The following RAVER2 variants were observed in gnomAD, a reference collection of about 807,000 sequenced individuals.
The protein encoded by RAVER2 is ribonucleoprotein PTB-binding 2.
A neutral mutation model predicts 78.1 loss-of-function variants in RAVER2; 46 were observed. The observed-to-expected ratio is 0.59, with a 90% CI of 0.46 to 0.75. RAVER2 has a LOEUF of 0.75. RAVER2 is among the 30% of genes least tolerant of loss of function. The probability of loss-of-function intolerance (pLI) is 0.00; values close to 1 mark genes in which losing one functional copy is unlikely to be tolerated. For missense variants in RAVER2, 793 were observed against 837.5 expected (o/e 0.95, Z 0.66); for synonymous variants, 311 against 313.3 (o/e 0.99, Z 0.08).
At chr1:64,809,994 T>C (rs1383122279) in intron 9 of RAVER2, among the ~76,000 whole-genome samples, 1 of 152,212 alleles carries the variant, frequency 6.6e-6, no homozygotes, top group African/African-American at 2.4e-5. Context: ...CAGCCATCCA[T>C]GGACATGTGG....
intron 7 of RAVER2, 54 bp downstream of exon 7, chr1:64,804,892 C>A: frequency 1.3e-6 from 2 of 1,502,244 alleles, no homozygotes; most frequent in Non-Finnish European, 9.2e-7. Flanking sequence ...TTTCTAGAAT[C>A]AGGCTGTGGA....
chr1:64,805,468 A>G (rs1278719251), intron 8 of RAVER2, among the ~76,000 whole-genome samples: 1 of 152,188 alleles, frequency 6.6e-6, no homozygotes, highest in Non-Finnish European at 1.5e-5. Context: ...TTTATTTTTT[A>G]AAATCTAGTA....
At chr1:64,766,744 G>A (rs1432762300) in intron 1 of RAVER2, among the ~76,000 whole-genome samples, 1 of 152,086 alleles carries the variant, frequency 6.6e-6, no homozygotes, top group Non-Finnish European at 1.5e-5. Context: ...AGTGAAATGA[G>A]AGATTAGATT....
intron 8 of RAVER2, among the ~76,000 whole-genome samples, chr1:64,806,797 C>T (rs1570572730): frequency 6.6e-6 from 1 of 152,254 alleles, no homozygotes; most frequent in East Asian, 1.9e-4. Context: ...ACTTTTTAAA[C>T]TTAAAACTTA....
chr1:64,781,565 A>G (rs1321572196), exon 4 of RAVER2: 1 of 1,608,968 alleles, frequency 6.2e-7, no homozygotes, highest in Non-Finnish European at 8.5e-7. Flanking sequence ...TAGCGGCTCA[A>G]CGTGTGGTAA....
At chr1:64,781,540 C>A (rs1188730865) in exon 4 of RAVER2, 1 of 1,613,758 alleles carries the variant, frequency 6.2e-7, no homozygotes. Flanking sequence ...GGGCGAAGTA[C>A]ATTAGCAGCA....
At chr1:64,763,154 G>A (rs780525760) in intron 1 of RAVER2, among the ~76,000 whole-genome samples, 2 of 152,004 alleles carry the variant, frequency 1.3e-5, no homozygotes, top group South Asian at 2.1e-4. Context: ...CTAAATATAC[G>A]GGTGAGGTGG....
chr1:64,830,970 G>T (rs1308000924), exon 12 of RAVER2: 2 of 1,613,660 alleles, frequency 1.2e-6, no homozygotes, highest in Non-Finnish European at 1.7e-6. Flanking sequence ...ACTTAAAAAA[G>T]AAGCGAGTAT....
intron 1 of RAVER2, among the ~76,000 whole-genome samples, chr1:64,766,102 C>T (rs1043754078): frequency 1.3e-5 from 2 of 152,160 alleles, no homozygotes; most frequent in Non-Finnish European, 2.9e-5. Flanking sequence ...CAAAACTTGT[C>T]ACTTCAGCAG....
In RAVER2 at chr1:64,781,579, T is replaced by G. The variant is rs1652630523; in HGVS notation, c.978+8T>G. 1 of 1,604,976 alleles carries G rather than the reference T, an allele frequency of 6.2e-7. No homozygotes were observed. Among genetic ancestry groups the G allele is most frequent in the Admixed American group, 1.7e-5 (1 of 57,508 alleles). On this transcript the variant is annotated splice_region_variant and intron_variant, in intron 4 of 11. Transcript: ENST00000294428. ...ATAGCGGCTCAACGTGTGGTAAGTT[T>G]TTTCTCTTTCTGTCTCTTTTTTTAG...
At chr1:64,820,423 A>G (rs1353762191) in intron 11 of RAVER2, among the ~76,000 whole-genome samples, 1 of 152,128 alleles carries the variant, frequency 6.6e-6, no homozygotes, top group Non-Finnish European at 1.5e-5. Context: ...AAAATTTTTA[A>G]TTTTAGGTTT....
At chr1:64,812,337 G>T (rs1653634245) in intron 9 of RAVER2, among the ~76,000 whole-genome samples, 1 of 140,042 alleles carries the variant, frequency 7.1e-6, no homozygotes. Flanking sequence ...ACTCCAGCCT[G>T]GGCAATAGAG....
At chr1:64,779,589 C>T (rs535872116) in intron 3 of RAVER2, among the ~76,000 whole-genome samples, 1 of 150,928 alleles carries the variant, frequency 6.6e-6, no homozygotes, top group African/African-American at 2.4e-5. Context: ...TATTGCCAGG[C>T]TGCTCTCAAA....
intron 5 of RAVER2, among the ~76,000 whole-genome samples, chr1:64,793,340 C>G (rs1179395925): frequency 1.3e-5 from 2 of 152,158 alleles, no homozygotes; most frequent in Non-Finnish European, 2.9e-5. Context: ...GAAGCTCCAA[C>G]TGCTATTAGA....
intron 1 of RAVER2, among the ~76,000 whole-genome samples, chr1:64,748,755 T>C (rs1305544941): frequency 6.6e-6 from 1 of 152,240 alleles, no homozygotes; most frequent in Non-Finnish European, 1.5e-5. Context: ...TTGAAAAGCA[T>C]GAAATGATAG....
Position 64,828,978 on chromosome 1 carries a change from C to G in RAVER2, c.1930-1861C>G, listed in dbSNP as rs565054113. ...TCAACGTAATGTTTGCAGGCTTTGTCTTTATTGTAAGATGAGTGACACCCA... is the reference window on the plus strand; with the variant it reads ...TCAACGTAATGTTTGCAGGCTTTGTGTTTATTGTAAGATGAGTGACACCCA... On this transcript the variant is annotated intron_variant, in intron 11 of 11. Transcript: ENST00000294428. Among the ~76,000 whole-genome samples the G allele has an allele frequency of 2.0e-5, 3 of 152,220 alleles. No individual in the cohort carries two copies. The South Asian group carries it at 6.2e-4, about 32-fold the overall frequency.
At chr1:64,750,548 C>G (rs1447519848) in intron 1 of RAVER2, among the ~76,000 whole-genome samples, 1 of 151,980 alleles carries the variant, frequency 6.6e-6, no homozygotes, top group Admixed American at 6.6e-5. Flanking sequence ...TTTATAAAAG[C>G]TACGTATTCC....
chr1:64,789,288 G>A lies in RAVER2; in HGVS notation c.979-100G>A, dbSNP rs936690685. On this transcript the variant is annotated intron_variant, in intron 4 of 11. Transcript: ENST00000294428. Reference sequence around the variant, plus strand: ...ATCAAATTATGTTTATCATAAAATAGATCTTGTCAGATGAATGAGGATTTC... The same window carrying A: ...ATCAAATTATGTTTATCATAAAATAAATCTTGTCAGATGAATGAGGATTTC... 1.3e-4 allele frequency: 129 copies of A among 996,152 alleles called. 1 individual carries two copies. Among genetic ancestry groups the A allele is most frequent in the Non-Finnish European group, 1.7e-4 (123 of 726,658 alleles). The allele number at this position is 996,152 out of a possible 1,614,324, so 61.7% of individuals were successfully genotyped here.
intron 1 of RAVER2, among the ~76,000 whole-genome samples, chr1:64,759,912 G>T (rs1446641057): frequency 6.6e-6 from 1 of 152,096 alleles, no homozygotes. Flanking sequence ...GTTGATAAAG[G>T]TAATCTATGG....
Sources: gnomAD v4.1 joint callset for allele counts (sites outside exome capture counted in the v4.1 genomes callset) on GRCh38, gnomAD v4.1.1 for gene constraint, MANE v1.5 for transcripts, NCBI Gene and HGNC (gene_info 2026-07-23, HGNC 2026-07-21) for gene names.